The following THSD7B variants were observed in gnomAD, a reference collection of about 807,000 sequenced individuals.
THSD7B encodes the protein thrombospondin type-1 domain-containing protein 7B.
In THSD7B, 138 loss-of-function variants were observed where a neutral mutation model predicts 213.6. The ratio of observed to expected loss-of-function variants is 0.65; its 90% CI spans 0.56 to 0.74. THSD7B has a LOEUF of 0.74. THSD7B is among the 30% of genes least tolerant of loss of function. THSD7B has a pLI of 0.00. For missense variants in THSD7B, 1,931 were observed against 1,991.5 expected, an observed-to-expected ratio of 0.97 and a Z score of 0.58; for synonymous variants, 742 against 687.0, an observed-to-expected ratio of 1.08 and a Z score of -1.25.
At chr2:137,399,283 C>A (rs56344936) in intron 12 of THSD7B, among the ~76,000 whole-genome samples, 12,416 of 151,136 alleles carry the variant, frequency 0.082, 1,088 homozygotes, top group African/African-American at 0.22. Flanking sequence ...GCATCCACCT[C>A]CTGGATTCAA....
At chr2:137,030,376 G>C (rs538295785) in intron 2 of THSD7B, among the ~76,000 whole-genome samples, 1 of 152,278 alleles carries the variant, frequency 6.6e-6, no homozygotes, top group East Asian at 1.9e-4. Context: ...AGACATATTA[G>C]TAAGAAGTAA....
At chr2:136,930,452 G>T (rs1684607781) in intron 2 of THSD7B, among the ~76,000 whole-genome samples, 1 of 152,218 alleles carries the variant, frequency 6.6e-6, no homozygotes, top group Admixed American at 6.5e-5. Flanking sequence ...AGCCACTGAA[G>T]AAGCTTTAAG....
intron 20 of THSD7B, among the ~76,000 whole-genome samples, chr2:137,632,822 T>C (rs1682766503): frequency 6.6e-6 from 1 of 152,204 alleles, no homozygotes; most frequent in Non-Finnish European, 1.5e-5. Context: ...CCCATGTACC[T>C]GGCAGAGATG....
intron 19 of THSD7B, among the ~76,000 whole-genome samples, chr2:137,619,827 G>A (rs1682483129): frequency 6.6e-6 from 1 of 152,106 alleles, no homozygotes; most frequent in African/African-American, 2.4e-5. Flanking sequence ...CATTATGATA[G>A]TATCCATTTT....
chr2:137,608,000 T>C (rs1419006547), intron 17 of THSD7B, among the ~76,000 whole-genome samples: 1 of 152,206 alleles, frequency 6.6e-6, no homozygotes, highest in African/African-American at 2.4e-5. Flanking sequence ...ACCAGGAATG[T>C]TTTATCATCT....
At chr2:137,138,664 T>G (rs1428331037) in intron 5 of THSD7B, among the ~76,000 whole-genome samples, 1 of 152,202 alleles carries the variant, frequency 6.6e-6, no homozygotes, top group Non-Finnish European at 1.5e-5. Flanking sequence ...TTCATCTACA[T>G]CTTGTTTTGT....
intron 12 of THSD7B, among the ~76,000 whole-genome samples, chr2:137,375,212 C>G (rs1685625836): frequency 6.6e-6 from 1 of 152,020 alleles, no homozygotes; most frequent in Non-Finnish European, 1.5e-5. Flanking sequence ...AAGTTCCTGA[C>G]TTAAAGAAGT....
At chr2:136,867,952 G>A (rs1025309122) in intron 1 of THSD7B, among the ~76,000 whole-genome samples, 2 of 152,112 alleles carry the variant, frequency 1.3e-5, no homozygotes, top group Admixed American at 1.3e-4. Flanking sequence ...ATTAATTTCT[G>A]TCTGTTTCTG....
In THSD7B at chr2:136,948,109, A is replaced by C. The variant is rs1226307802; in HGVS notation, c.139+65792A>C. 4.0e-5 allele frequency among the ~76,000 whole-genome samples: 6 copies of C among 150,890 alleles called. No individual in the cohort carries two copies. The Middle Eastern group carries it at 0.014, about 342-fold the overall frequency. On this transcript the variant is annotated intron_variant, in intron 2 of 27. Transcript: ENST00000409968. The stretch of plus-strand genomic sequence containing the variant: ...TTGTTCTTTCTCTCTCCATAATTGT[A>C]TGTATGTTTTTTTTTAAATGACTAA...
chr2:137,516,709 C>T (rs1173245096), intron 15 of THSD7B, among the ~76,000 whole-genome samples: 1 of 91,044 alleles, frequency 1.1e-5, no homozygotes, highest in Non-Finnish European at 2.0e-5. Context: ...TGCATAATTG[C>T]CATTGACATT....
In THSD7B at chr2:137,040,339, C is replaced by T. The variant is rs1686856344; in HGVS notation, c.140-16081C>T. Among the ~76,000 whole-genome samples the T allele has an allele frequency of 2.0e-5, 3 of 151,994 alleles. No individual in the cohort carries two copies. In the South Asian group the frequency reaches 6.2e-4, roughly 32 times the overall value. On this transcript the variant is annotated intron_variant, in intron 2 of 27. Coordinates refer to ENST00000409968, the MANE Select transcript of THSD7B (RefSeq NM_001316349.2). The stretch of plus-strand genomic sequence containing the variant: ...CTAGGTGGAAGCTAGAGGAAACTAG[C>T]CCAAGAGGTAGCTATATTTCTTTTT...
chr2:136,982,729 T>A (rs1685604531), intron 2 of THSD7B, among the ~76,000 whole-genome samples: 1 of 152,184 alleles, frequency 6.6e-6, no homozygotes, highest in African/African-American at 2.4e-5. Flanking sequence ...TAAGATACTT[T>A]TAAGTACCTG....
chr2:136,842,881 T>G (rs1573664695), intron 1 of THSD7B, among the ~76,000 whole-genome samples: 1 of 152,178 alleles, frequency 6.6e-6, no homozygotes, highest in East Asian at 1.9e-4. Context: ...GTTTTAGGAA[T>G]TGAACAAGAA....
At chr2:137,357,097 A>G (rs1479400777) in intron 12 of THSD7B, among the ~76,000 whole-genome samples, 6 of 152,070 alleles carry the variant, frequency 3.9e-5, no homozygotes, top group African/African-American at 1.4e-4. Flanking sequence ...TATTTGTTGA[A>G]ACATATTAAT....
chr2:137,568,225 G>A (rs896357229), intron 16 of THSD7B, among the ~76,000 whole-genome samples: 26 of 151,976 alleles, frequency 1.7e-4, no homozygotes, highest in African/African-American at 6.3e-4. Context: ...GAGGAGGGGA[G>A]GAAGTGGAGA....
Position 137,404,928 on chromosome 2 carries a change from T to C in THSD7B, c.2501-685T>C, listed in dbSNP as rs1319626362. Among the ~76,000 whole-genome samples the C allele has an allele frequency of 1.3e-5, 2 of 151,976 alleles. 1 individual carries two copies. The highest frequency in any genetic ancestry group is 2.9e-5 in the Non-Finnish European group (2 of 68,000). ...GTGTACACTGCTCAGGTGATGGGTG[T>C]ACCAGGTTATCACACATCTCCGCTA... On this transcript the variant is annotated intron_variant, in intron 12 of 27. Coordinates refer to ENST00000409968, the MANE Select transcript of THSD7B (RefSeq NM_001316349.2).
chr2:137,230,058 CCT>C (rs1681602794), intron 7 of THSD7B, among the ~76,000 whole-genome samples: 1 of 151,962 alleles, frequency 6.6e-6, no homozygotes. Flanking sequence ...TTCTTTGTGT[CCT>C]CTGTTTTTAT....
Position 137,046,454 on chromosome 2 carries a change from G to A in THSD7B, c.140-9966G>A, listed in dbSNP as rs201791512. On this transcript the variant is annotated intron_variant, in intron 2 of 27. Coordinates refer to ENST00000409968, the MANE Select transcript of THSD7B (RefSeq NM_001316349.2). ...AATTTGGTTTAAGAGACCCAGCGGGGTGTGGTGGCTCACGACTGTCATCCC... is the reference window on the plus strand; with the variant it reads ...AATTTGGTTTAAGAGACCCAGCGGGATGTGGTGGCTCACGACTGTCATCCC... Among the ~76,000 whole-genome samples, 15 of 152,268 alleles carry A rather than the reference G, an allele frequency of 9.9e-5. No homozygotes were observed. The East Asian group carries it at 2.7e-3, about 27-fold the overall frequency.
intron 1 of THSD7B, among the ~76,000 whole-genome samples, chr2:136,849,231 G>T (rs1211638595): frequency 6.6e-6 from 1 of 152,144 alleles, no homozygotes; most frequent in Non-Finnish European, 1.5e-5. Flanking sequence ...TGAGTGCCTA[G>T]TAGGTGCCAT....
Sources: gnomAD v4.1 joint callset for allele counts (sites outside exome capture counted in the v4.1 genomes callset) on GRCh38, gnomAD v4.1.1 for gene constraint, MANE v1.5 for transcripts, NCBI Gene and HGNC (gene_info 2026-07-23, HGNC 2026-07-21) for gene names.